Variants in RPA1 observed in about 807,000 individuals in gnomAD.
RPA1 encodes replication protein A1.
A neutral mutation model predicts 83.0 loss-of-function variants in RPA1; 49 were observed. The ratio of observed to expected loss-of-function variants is 0.59; its 90% confidence interval spans 0.47 to 0.75. RPA1 has a LOEUF of 0.75. Ranked by LOEUF, RPA1 falls within the 30% of genes least tolerant of loss-of-function variation. The pLI, the probability that RPA1 is intolerant of heterozygous loss-of-function variation, is 0.00. For missense variants in RPA1, 693 were observed against 776.1 expected (o/e 0.89, Z 1.27); for synonymous variants, 279 against 281.8 (o/e 0.99, Z 0.10).
At chr17:1,832,453 C>T (rs1256141414) in intron 1 of RPA1, among the ~76,000 whole-genome samples, 1 of 152,078 alleles carries the variant, frequency 6.6e-6, no homozygotes, top group Non-Finnish European at 1.5e-5. Context: ...GTGGCACGAT[C>T]TTGACTCACT....
At chr17:1,845,162 T>TTGTGTGTG (rs71150822) in intron 4 of RPA1, among the ~76,000 whole-genome samples, 2,467 of 141,676 alleles carry the variant, frequency 0.017, 62 homozygotes, top group African/African-American at 0.057. Context: ...TAATGCTGCT[T>TTGTGTGTG]TGTGTGTGTG....
At chr17:1,896,949 G>C in intron 16 of RPA1, 122 bp from the exon 17 acceptor site, 1 of 778,842 alleles carries the variant, frequency 1.3e-6, no homozygotes. Context: ...TGGAATGACT[G>C]AACTCTGAAC....
rs1567827895 is a variant in RPA1 at position 1,889,484 on chromosome 17, C to T, written c.1551+633C>T. ...CCAAGTAGCTGCAACTACAGCTGTG[C>T]ACCACCACACCCAGCTAATTTTTAA... On this transcript the variant is annotated intron_variant, in intron 14 of 16. Transcript: ENST00000254719. 7.9e-5 allele frequency among the ~76,000 whole-genome samples: 12 copies of T among 152,048 alleles called. No individual in the cohort carries two copies. The South Asian group carries it at 2.3e-3, about 29-fold the overall frequency.
rs766141888 is a variant in RPA1, at chr17:1,841,367, G to C, written c.34-1436G>C. ...CGCCCAGGCTGGAGTGCAGTGGTGC[G>C]ATCTCAGCTCCCTGCAACCTCCGCC... On this transcript the variant is annotated intron_variant, in intron 1 of 16. Transcript: ENST00000254719. Among the ~76,000 whole-genome samples the C allele has an allele frequency of 2.5e-4, 38 of 152,064 alleles. 1 individual carries two copies. The highest frequency in any genetic ancestry group is 5.0e-4 in the Non-Finnish European group (34 of 68,004).
intron 4 of RPA1, among the ~76,000 whole-genome samples, chr17:1,850,891 CT>C (rs1314091084): frequency 6.6e-6 from 1 of 150,758 alleles, no homozygotes; most frequent in African/African-American, 2.4e-5. Context: ...GACTCTCTCT[CT>C]CAAAAAAAAA....
intron 9 of RPA1, 62 bp downstream of exon 9, chr17:1,879,123 C>G: frequency 6.2e-7 from 1 of 1,611,054 alleles, no homozygotes; most frequent in Non-Finnish European, 8.5e-7. Context: ...TGAAAAGACG[C>G]TGGCCCAGGG....
Position 1,879,751 on chromosome 17 carries a change from G to A in RPA1, c.1092+52G>A, listed in dbSNP as rs536032191. 3.1e-6 allele frequency: 5 copies of A among 1,610,230 alleles called. No individual in the cohort carries two copies. The East Asian group carries it at 1.1e-4, about 36-fold the overall frequency. ...ACGCACAGGACCTCCTGGGGTTGGG[G>A]CGTGGTCTTGTCCTATAGGATGGGG... is the stretch of plus-strand genomic sequence containing the variant. On this transcript the variant is annotated intron_variant, in intron 11 of 16. Coordinates refer to ENST00000254719, the MANE Select transcript of RPA1 (RefSeq NM_002945.5).
chr17:1,892,134 G>C (rs866525263), intron 15 of RPA1, among the ~76,000 whole-genome samples, 194 bp downstream of exon 15: 2 of 151,820 alleles, frequency 1.3e-5, no homozygotes, highest in African/African-American at 4.8e-5. Context: ...AGCCTCCTGA[G>C]TAGCTGGGAT....
intron 5 of RPA1, among the ~76,000 whole-genome samples, chr17:1,863,984 A>G (rs960822466): frequency 6.6e-6 from 1 of 152,232 alleles, no homozygotes; most frequent in African/African-American, 2.4e-5. Context: ...TATATTAACT[A>G]ATTATAACTG....
At chr17:1,842,708 C>A in intron 1 of RPA1, 95 bp from the exon 2 acceptor site, 2 of 1,086,510 alleles carry the variant, frequency 1.8e-6, no homozygotes, top group South Asian at 1.4e-5. Context: ...TTTTAACAAT[C>A]TTATCTATAT....
chr17:1,835,579 TTTG>T (rs764320866), intron 1 of RPA1, among the ~76,000 whole-genome samples: 2 of 152,218 alleles, frequency 1.3e-5, no homozygotes, highest in South Asian at 2.1e-4. Flanking sequence ...GAATTTGTTG[TTTG>T]TTGTTGTTTC....
Position 1,899,417 on chromosome 17 carries a change from G to A in RPA1, c.*2242G>A, listed in dbSNP as rs1232282060. ...TAGGAGAAAAAAATCTAATCATTTC[G>A]CCTTTATTTCAAGTGGTTCTTGAAT... is the stretch of plus-strand genomic sequence containing the variant. On this transcript the variant is annotated 3_prime_UTR_variant, in exon 17 of 17. Coordinates refer to ENST00000254719, the MANE Select transcript of RPA1 (RefSeq NM_002945.5). 6.6e-6 allele frequency: 1 copy of A among 152,316 alleles called. No individual in the cohort carries two copies. Among genetic ancestry groups the A allele is most frequent in the Non-Finnish European group, 1.5e-5 (1 of 68,032 alleles). 9.4% of individuals were successfully genotyped at this position (152,316 alleles called of 1,614,324 possible).
chr17:1,849,545 G>A (rs1386123270), intron 4 of RPA1, among the ~76,000 whole-genome samples: 1 of 151,378 alleles, frequency 6.6e-6, no homozygotes, highest in Non-Finnish European at 1.5e-5. Flanking sequence ...GCCCACCTCG[G>A]CCTCCCAAAG....
rs193035984 is a variant in RPA1, at chr17:1,879,379, C to T, written c.924C>T (p.Leu308=). 12 of 1,614,054 alleles carry T rather than the reference C, an allele frequency of 7.4e-6. No homozygotes were observed. In the East Asian group the frequency reaches 1.1e-4, roughly 15 times the overall value. ...TTGATTTCACGGGGATTGATGACCT[C>T]GAGAACAAGTCGAAAGACTCACTTG... ...VQFDFTGIDD[L]ENKSKDSLVD... Residue 308 remains leucine, a synonymous_variant, in exon 10 of 17, where the codon CTC becomes CTT. Coordinates refer to ENST00000254719, the MANE Select transcript of RPA1 (RefSeq NM_002945.5).
chr17:1,866,517 A>G (rs1268125555), intron 5 of RPA1, among the ~76,000 whole-genome samples: 1 of 152,104 alleles, frequency 6.6e-6, no homozygotes. Flanking sequence ...GGGTTTTACC[A>G]TGTTGGCCAG....
At chr17:1,842,721 T>A (rs1912100083) in intron 1 of RPA1, 82 bp from the exon 2 acceptor site, 2 of 1,255,960 alleles carry the variant, frequency 1.6e-6, no homozygotes, top group Admixed American at 1.8e-5. Context: ...ATCTATATAT[T>A]CCAAATACCA....
intron 7 of RPA1, 43 bp from the exon 8 acceptor site, chr17:1,877,169 C>A: frequency 6.4e-7 from 1 of 1,560,178 alleles, no homozygotes; most frequent in East Asian, 2.2e-5. Context: ...TGATCTTTTC[C>A]AAGGAAGACC....
At chr17:1,834,885 AG>A (rs1911753697) in intron 1 of RPA1, among the ~76,000 whole-genome samples, 1 of 151,802 alleles carries the variant, frequency 6.6e-6, no homozygotes, top group Admixed American at 6.6e-5. Context: ...TTTTTTTTAA[AG>A]GGTCTCACTC....
At chr17:1,896,552 G>A (rs1426340360) in intron 16 of RPA1, among the ~76,000 whole-genome samples, 1 of 152,128 alleles carries the variant, frequency 6.6e-6, no homozygotes, top group African/African-American at 2.4e-5. Context: ...GATTTTTGGG[G>A]CCATTCAGCC....
Sources: allele counts gnomAD v4.1 joint callset (sites outside exome capture counted in the v4.1 genomes callset), GRCh38; gene constraint gnomAD v4.1.1; transcripts MANE v1.5; gene names NCBI Gene and HGNC (gene_info 2026-07-23, HGNC 2026-07-21).